Variants in MSH6 observed in about 807,000 individuals in gnomAD.
The protein encoded by MSH6 is mutS homolog 6, also known as DNA mismatch repair protein Msh6.
MSH6 carries 85 observed loss-of-function variants against 119.1 expected under a neutral mutation model. That is an observed-to-expected ratio of 0.71 (90% confidence interval 0.60 to 0.85). MSH6 has a LOEUF of 0.85. Ranked by LOEUF, MSH6 falls within the 40% of genes least tolerant of loss-of-function variation. The probability of loss-of-function intolerance (pLI) is 0.00; values close to 1 mark genes in which losing one functional copy is unlikely to be tolerated. For synonymous variants in MSH6, 830 were observed against 586.9 expected (o/e 1.41, Z -5.99); for missense variants, 2,163 against 1,655.3 (o/e 1.31, Z -5.32).
chr2:47,787,158 G>T (rs952400287), intron 1 of MSH6, among the ~76,000 whole-genome samples: 1 of 152,136 alleles, frequency 6.6e-6, no homozygotes, highest in Non-Finnish European at 1.5e-5. Context: ...GCATGGTGGC[G>T]TGTGCCTGTA....
At chr2:47,809,331 A>G (rs1670454268), downstream of MSH6, 3 of 1,061,210 alleles carry the variant, frequency 2.8e-6, no homozygotes, top group Non-Finnish European at 2.8e-6. Flanking sequence ...ACCAAAGATT[A>G]TAGGATTATT....
downstream of MSH6, chr2:47,809,787 ACTG>A (rs1273535310): frequency 2.2e-5 from 19 of 880,146 alleles, no homozygotes; most frequent in Middle Eastern, 2.9e-4. Flanking sequence ...GCAAATGTAA[ACTG>A]CTTCTTTTAT....
intron 1 of MSH6, chr2:47,784,955 G>C (rs902564865): frequency 6.6e-6 from 1 of 151,976 alleles, no homozygotes; most frequent in African/African-American, 2.4e-5. Context: ...CTCCCAAGTA[G>C]CTGGGACTAC....
intron 1 of MSH6, among the ~76,000 whole-genome samples, chr2:47,788,570 C>CT (rs531963943): frequency 0.026 from 2,736 of 104,892 alleles, 67 homozygotes; most frequent in African/African-American, 0.053. Flanking sequence ...TTTTCTTTTT[C>CT]TTTTTTTTTT....
At position 47,783,349 on chromosome 2, in the gene MSH6, G is replaced by C. The variant is rs1042821; in HGVS notation, c.116G>C (p.Gly39Ala). 6.2e-7 allele frequency: 1 copy of C among 1,608,318 alleles called. No homozygotes were observed. The highest frequency in any genetic ancestry group is 1.7e-5 in the Admixed American group (1 of 59,550). ...REGGRAAAAP[G>A]ASPSPGGDAA... The stretch of plus-strand genomic sequence containing the variant: ...GGCGGCCGTGCCGCCGCTGCCCCCG[G>C]GGCCTCTCCTTCCCCAGGCGGGGAT... Residue 39 changes from glycine to alanine, a missense_variant, in exon 1 of 10, where the codon GGG becomes GCG. Physicochemically the swap from Gly to Ala is moderately conservative, Grantham distance 60. Transcript: ENST00000234420.
chr2:47,806,113 T>C (rs1670018190), intron 7 of MSH6, 91 bp from the exon 8 acceptor site: 3 of 1,238,872 alleles, frequency 2.4e-6, no homozygotes, highest in Non-Finnish European at 3.5e-6. Flanking sequence ...TACTAACCGA[T>C]GTTGCTTTTC....
chr2:47,809,079 C>G, downstream of MSH6: 1 of 871,182 alleles, frequency 1.1e-6, no homozygotes. Flanking sequence ...CGGCAAATAG[C>G]CAAAAATGCT....
downstream of MSH6, chr2:47,806,983 AAACCCTTTT>A (rs755188073): frequency 5.2e-5 from 40 of 773,904 alleles, no homozygotes; most frequent in Non-Finnish European, 8.3e-5. Context: ...CTAGGAAATT[AAACCCTTTT>A]AATTCTTATC....
chr2:47,788,258 T>C (rs1436684024), intron 1 of MSH6, among the ~76,000 whole-genome samples: 10 of 133,842 alleles, frequency 7.5e-5, no homozygotes, highest in Non-Finnish European at 1.4e-4. Context: ...TTTTTTTTTT[T>C]TTTTTTTTTT....
At position 47,800,704 on chromosome 2, in the gene MSH6, A is replaced by G. The variant is rs775048480; in HGVS notation, c.2721A>G (p.Val907=). The G allele has an allele frequency of 6.2e-7, 1 of 1,614,200 alleles. No homozygotes were observed. Among genetic ancestry groups the G allele is most frequent in the Non-Finnish European group, 8.5e-7 (1 of 1,180,036 alleles). ...NPEGRFPDLT[V]ELNRWDTAFD... is the part of the protein sequence containing the mutation. ...AAGGTCGTTTTCCTGATTTGACTGT[A>G]GAATTGAACCGATGGGATACAGCCT... The change falls in exon 4 of 10, where the codon GTA becomes GTG. Residue 907 remains valine, a synonymous_variant. Transcript: ENST00000234420.
In MSH6 at chr2:47,801,064, A is replaced by G. The variant is rs760019920; in HGVS notation, c.3081A>G (p.Val1027=). 1.9e-6 allele frequency: 3 copies of G among 1,606,896 alleles called. No homozygotes were observed. ...NLINAEERRD[V]SLKDCMRRLF... ...TAAATGCTGAAGAACGGAGGGATGTATCATTGAAGGACTGCATGCGGCGAC... is the reference window on the plus strand; with the variant it reads ...TAAATGCTGAAGAACGGAGGGATGTGTCATTGAAGGACTGCATGCGGCGAC... The change falls in exon 4 of 10, where the codon GTA becomes GTG. Residue 1027 remains valine, a synonymous_variant. Transcript: ENST00000234420.
At chr2:47,792,295 C>T (rs891603534) in intron 2 of MSH6, among the ~76,000 whole-genome samples, 1 of 152,098 alleles carries the variant, frequency 6.6e-6, no homozygotes, top group African/African-American at 2.4e-5. Flanking sequence ...TTGTAAAATC[C>T]AAACAAGGGT....
In MSH6 at chr2:47,799,945, G is replaced by A. The variant is rs148592158; in HGVS notation, c.1962G>A (p.Met654Ile). ...REKLSDGIGV[M>I]LPQVLKGMTS... The stretch of plus-strand genomic sequence containing the variant: ...AGCTAAGTGATGGCATTGGGGTGAT[G>A]TTACCCCAGGTGCTTAAAGGTATGA... Residue 654 changes from methionine to isoleucine, a missense_variant, in exon 4 of 10, where the codon ATG (methionine) becomes ATA (isoleucine). Transcript: ENST00000234420. The A allele has an allele frequency of 6.2e-7, 1 of 1,613,990 alleles. No individual in the cohort carries two copies. Among genetic ancestry groups the A allele is most frequent in the African/African-American group, 1.3e-5 (1 of 74,894 alleles).
chr2:47,784,814 G>C (rs1668249595), intron 1 of MSH6: 1 of 151,906 alleles, frequency 6.6e-6, no homozygotes, highest in Non-Finnish European at 1.5e-5. Flanking sequence ...GCTTGCTTTT[G>C]CTGTTTGCCA....
chr2:47,786,049 A>C (rs998934882), intron 1 of MSH6, among the ~76,000 whole-genome samples: 10 of 151,384 alleles, frequency 6.6e-5, no homozygotes, highest in Non-Finnish European at 1.3e-4. Flanking sequence ...CAAAGCAAAG[A>C]GGCAATTGTA....
downstream of MSH6, chr2:47,807,754 G>A (rs907085332): frequency 1.6e-5 from 4 of 245,762 alleles, no homozygotes; most frequent in Non-Finnish European, 3.2e-5. Context: ...GTCCATAAAG[G>A]CAGCAACAAA....
rs2104328533 is a variant in MSH6 at position 47,799,198 on chromosome 2, T to G, written c.1215T>G (p.Ser405=). The G allele has an allele frequency of 6.2e-7, 1 of 1,614,188 alleles. No individual in the cohort carries two copies. Among genetic ancestry groups the G allele is most frequent in the Non-Finnish European group, 8.5e-7 (1 of 1,180,036 alleles). ...TLYVPEDFLN[S]CTPGMRKWWQ... ...ATGTGCCTGAGGATTTCCTCAATTC[T>G]TGTACTCCTGGGATGAGGAAGTGGT... Residue 405 remains serine, a synonymous_variant, in exon 4 of 10, where the codon TCT becomes TCG. Transcript: ENST00000234420.
intron 1 of MSH6, chr2:47,783,934 C>T (rs1441881795): frequency 3.9e-6 from 4 of 1,029,576 alleles, no homozygotes; most frequent in Non-Finnish European, 3.5e-6. Flanking sequence ...GGAGGAATGC[C>T]TGCGGGAGGC....
At chr2:47,789,567 C>G (rs924972237) in intron 1 of MSH6, 1 of 330,990 alleles carries the variant, frequency 3.0e-6, no homozygotes, top group African/African-American at 2.2e-5. Flanking sequence ...GTATTTTACA[C>G]ATGACAAAGT....
Sources: allele counts gnomAD v4.1 joint callset (sites outside exome capture counted in the v4.1 genomes callset), GRCh38; gene constraint gnomAD v4.1.1; transcripts MANE v1.5; gene names NCBI Gene and HGNC (gene_info 2026-07-23, HGNC 2026-07-21).